Variants in SLC4A4 observed in about 807,000 individuals in gnomAD.
SLC4A4 encodes the protein electrogenic sodium bicarbonate cotransporter 1.
A neutral mutation model predicts 111.5 loss-of-function variants in SLC4A4; 27 were observed. The observed-to-expected ratio is 0.24, with a 90% CI of 0.18 to 0.33. The LOEUF (loss-of-function observed/expected upper bound fraction) is 0.33, where lower values mean the gene tolerates loss of function less well. SLC4A4 is among the 10% of genes least tolerant of loss of function. The pLI, the probability that SLC4A4 is intolerant of heterozygous loss-of-function variation, is 1.00. For missense variants in SLC4A4, 909 were observed against 1,315.5 expected, an observed-to-expected ratio of 0.69 and a Z score of 4.78; for synonymous variants, 443 against 463.4, an observed-to-expected ratio of 0.96 and a Z score of 0.57.
At chr4:71,420,672 G>A (rs1335851348) in intron 7 of SLC4A4, among the ~76,000 whole-genome samples, 5 of 151,898 alleles carry the variant, frequency 3.3e-5, no homozygotes, top group African/African-American at 1.2e-4. Context: ...GAGAGTGGGG[G>A]CCAATATTCA....
At chr4:71,286,074 T>TA (rs1432706250) in intron 3 of SLC4A4, among the ~76,000 whole-genome samples, 2 of 151,888 alleles carry the variant, frequency 1.3e-5, no homozygotes, top group Admixed American at 1.3e-4. Context: ...CCGTCTCTAC[T>TA]AAAAAAATAC....
At chr4:71,197,929 A>T (rs1746081560) in intron 1 of SLC4A4, among the ~76,000 whole-genome samples, 1 of 152,204 alleles carries the variant, frequency 6.6e-6, no homozygotes, top group African/African-American at 2.4e-5. Context: ...TCATTCATTC[A>T]CTTATTTATT....
chr4:71,382,341 T>G (rs532966748), intron 6 of SLC4A4, among the ~76,000 whole-genome samples: 46 of 152,296 alleles, frequency 3.0e-4, no homozygotes, highest in South Asian at 2.5e-3. Context: ...GGATGAGGAC[T>G]GCAGGGACCA....
At chr4:71,403,615 A>G (rs1347326576) in intron 7 of SLC4A4, among the ~76,000 whole-genome samples, 2 of 152,290 alleles carry the variant, frequency 1.3e-5, no homozygotes, top group African/African-American at 2.4e-5. Context: ...TAAGGCAGAA[A>G]TGAAGATGAT....
chr4:71,547,519 G>T, intron 19 of SLC4A4, 129 bp from the exon 20 acceptor site: 1 of 774,318 alleles, frequency 1.3e-6, no homozygotes, highest in Non-Finnish European at 2.3e-6. Flanking sequence ...TTATTTACAT[G>T]ATATCAACAC....
chr4:71,374,086 A>G (rs1732127351), intron 6 of SLC4A4, among the ~76,000 whole-genome samples: 1 of 152,168 alleles, frequency 6.6e-6, no homozygotes, highest in African/African-American at 2.4e-5. Context: ...CTGCTTTGTT[A>G]TCACACTCTT....
Position 71,188,047 on chromosome 4 carries a change from C to T in SLC4A4, c.-2+646C>T, listed in dbSNP as rs72850644. Among the ~76,000 whole-genome samples, 1,117 of 152,324 alleles carry T rather than the reference C, an allele frequency of 7.3e-3. 16 individuals carry two copies. Among genetic ancestry groups the T allele is most frequent in the African/African-American group, 0.025 (1,041 of 41,572 alleles). On this transcript the variant is annotated intron_variant, in intron 1 of 25. Transcript: ENST00000264485. Reference sequence around the variant, plus strand: ...TTTCTCTTGGCCAGCGACAACGGAGCTCTCCCTCAGGTACTGGGCAGCATG... The same window carrying T: ...TTTCTCTTGGCCAGCGACAACGGAGTTCTCCCTCAGGTACTGGGCAGCATG...
At chr4:71,334,514 T>G (rs905571594) in intron 3 of SLC4A4, among the ~76,000 whole-genome samples, 13 of 152,164 alleles carry the variant, frequency 8.5e-5, no homozygotes, top group Non-Finnish European at 1.3e-4. Context: ...CTTCCCAAGC[T>G]GGTGTCTCGC....
chr4:71,272,571 A>T (rs1431400288), intron 3 of SLC4A4, among the ~76,000 whole-genome samples: 1 of 152,170 alleles, frequency 6.6e-6, no homozygotes, highest in African/African-American at 2.4e-5. Flanking sequence ...GTTTGGAAGA[A>T]AGACCATCTT....
chr4:71,179,729 A>T (rs1386147873), intron 2 of SLC4A4, among the ~76,000 whole-genome samples: 1 of 152,222 alleles, frequency 6.6e-6, no homozygotes, highest in Non-Finnish European at 1.5e-5. Flanking sequence ...AGAACATTCC[A>T]TGCTCGTGGG....
At chr4:71,118,177 T>C (rs1396794856) in intron 2 of SLC4A4, among the ~76,000 whole-genome samples, 1 of 152,196 alleles carries the variant, frequency 6.6e-6, no homozygotes, top group South Asian at 2.1e-4. Flanking sequence ...ATGCCTGGCC[T>C]TTTAAATACA....
At chr4:71,562,376 G>A (rs1737066451) in intron 23 of SLC4A4, among the ~76,000 whole-genome samples, 1 of 151,706 alleles carries the variant, frequency 6.6e-6, no homozygotes, top group Non-Finnish European at 1.5e-5. Context: ...TAGTCATAGG[G>A]TTTGGGGCCC....
chr4:71,472,875 A>G lies in SLC4A4; in HGVS notation c.1808A>G (p.Lys603Arg). Residue 603 changes from lysine (K) to arginine (R), a missense_variant, in exon 14 of 26, where the codon AAG becomes AGG. Physicochemically the swap from Lys to Arg is conservative, Grantham distance 26 (BLOSUM62 2). This residue lies in a region of SLC4A4 where 264 missense variants were observed against 356.8 expected (regional missense o/e 0.74). Transcript: ENST00000264485. ...SFIFIYDAFK[K>R]MIKLADYYPI... The stretch of plus-strand genomic sequence containing the variant: ...ATCTTTATCTATGATGCTTTCAAGA[A>G]GATGATCAAGCTTGCAGATTACTAC... The G allele has an allele frequency of 3.1e-6, 5 of 1,612,944 alleles. No homozygotes were observed. Among genetic ancestry groups the G allele is most frequent in the Non-Finnish European group, 4.2e-6 (5 of 1,179,340 alleles).
In SLC4A4 at chr4:71,349,673, T is replaced by A. The variant is rs73826273; in HGVS notation, c.390-239T>A. ...TAGGCAGATATAAAACCAAGGATGC[T>A]TTGGCTTCTCTTGCTTGGCTTTTTT... On this transcript the variant is annotated intron_variant, in intron 4 of 25. Coordinates refer to ENST00000264485, the MANE Select transcript of SLC4A4 (RefSeq NM_001098484.3). 7.9e-3 allele frequency among the ~76,000 whole-genome samples: 1,198 copies of A among 152,324 alleles called. 16 individuals are homozygous for A. The highest frequency in any genetic ancestry group is 0.026 in the African/African-American group (1,060 of 41,564).
intron 14 of SLC4A4, among the ~76,000 whole-genome samples, chr4:71,475,764 T>G (rs1728310153): frequency 6.6e-6 from 1 of 151,884 alleles, no homozygotes; most frequent in African/African-American, 2.4e-5. Context: ...CCTTATAGAT[T>G]TATTTTGAAG....
chr4:71,164,424 T>C (rs983480698), intron 2 of SLC4A4, among the ~76,000 whole-genome samples: 1 of 151,214 alleles, frequency 6.6e-6, no homozygotes, highest in African/African-American at 2.4e-5. Context: ...CCTCTTATTA[T>C]AGTACACCAT....
In SLC4A4 at chr4:71,475,326, G is replaced by A. The variant is rs555740159; in HGVS notation, c.1903+2356G>A. Among the ~76,000 whole-genome samples, 4 of 151,932 alleles carry A rather than the reference G, an allele frequency of 2.6e-5. No homozygotes were observed. The East Asian group carries it at 7.8e-4, about 30-fold the overall frequency. ...TGGATGTTGGCAGAGAAGGTAACAT[G>A]AAACCAAGGAAGACATATCTAAATG... On this transcript the variant is annotated intron_variant, in intron 14 of 25. Transcript: ENST00000264485.
chr4:71,086,307 A>G (rs149843353), intron 1 of SLC4A4, among the ~76,000 whole-genome samples: 151,532 of 151,664 alleles, frequency 1, 75,700 homozygotes, highest in Middle Eastern at 1. Context: ...ATTTTGGGCT[A>G]AGACGATGGG....
At chr4:71,099,974 C>G (rs980770739) in intron 2 of SLC4A4, among the ~76,000 whole-genome samples, 5 of 152,004 alleles carry the variant, frequency 3.3e-5, no homozygotes, top group African/African-American at 9.7e-5. Context: ...GGCTACCAAC[C>G]AAAAGTAGCC....
Sources: gnomAD v4.1 joint callset for allele counts (sites outside exome capture counted in the v4.1 genomes callset) on GRCh38, gnomAD v4.1.1 for gene constraint, gnomAD v4.1.1 regional missense constraint, MANE v1.5 for transcripts, NCBI Gene and HGNC (gene_info 2026-07-23, HGNC 2026-07-21) for gene names.